The following PSMD2 variants were observed in gnomAD, a reference collection of about 807,000 sequenced individuals.
PSMD2 encodes the protein 26S proteasome non-ATPase regulatory subunit 2.
In PSMD2, 8 loss-of-function variants were observed where a neutral mutation model predicts 101.5. That is an observed-to-expected ratio of 0.08 (90% CI 0.05 to 0.14). PSMD2 has a LOEUF of 0.14. Among genes scored for constraint, PSMD2 ranks in the 10% least tolerant of loss-of-function variants. The pLI, the probability that PSMD2 is intolerant of heterozygous loss-of-function variation, is 1.00. For missense variants in PSMD2, 784 were observed against 1,147.4 expected, an observed-to-expected ratio of 0.68 and a Z score of 4.58; for synonymous variants, 418 against 433.8, an observed-to-expected ratio of 0.96 and a Z score of 0.45.
Position 184,308,536 on chromosome 3 carries a change from G to A in PSMD2, c.2513G>A (p.Arg838Gln), listed in dbSNP as rs758139905. ...RMLVTFDEEL[R>Q]PLPVSVRVGQ... ...CTGGTTACGTTTGATGAGGAGCTGC[G>A]GCCATTGCCAGTGTCTGTCCGTGTG... Residue 838 changes from arginine to glutamine, a missense_variant, in exon 20 of 21, where the codon CGG becomes CAG. Coordinates refer to ENST00000310118, the MANE Select transcript of PSMD2 (RefSeq NM_002808.5). The surrounding 1 kb of genome is among the most constrained non-coding windows in gnomAD (Gnocchi z 6.0). 1.1e-5 allele frequency: 17 copies of A among 1,613,670 alleles called. No homozygotes were observed. The highest frequency in any genetic ancestry group is 1.1e-5 in the Non-Finnish European group (13 of 1,180,020).
At chr3:184,300,553 A>G in intron 3 of PSMD2, 109 bp downstream of exon 3, 1 of 1,479,344 alleles carries the variant, frequency 6.8e-7, no homozygotes, top group Non-Finnish European at 9.0e-7. Context: ...CTAAGCCGTG[A>G]TCTATTTGAG....
At chr3:184,299,604 A>T in intron 1 of PSMD2, 1 of 764,758 alleles carries the variant, frequency 1.3e-6, no homozygotes, top group Non-Finnish European at 2.0e-6. Context: ...ACCAACCCTC[A>T]CCACCGCCGC....
rs539520811 is a variant in PSMD2 at position 184,306,575 on chromosome 3, T to C, written c.1950+80T>C. On this transcript the variant is annotated intron_variant, in intron 15 of 20. Transcript: ENST00000310118. ...AGGGGAGGCTGGGTTTGGTTTTTGC[T>C]TTAGGGCCTCTCTGGGTATTGCCAT... 8 of 1,561,378 alleles carry C rather than the reference T, an allele frequency of 5.1e-6. No homozygotes were observed. In the East Asian group the frequency reaches 1.8e-4, roughly 35 times the overall value.
At chr3:184,299,566 G>T (rs1721573036) in intron 1 of PSMD2, 165 bp downstream of exon 1, 1 of 1,022,364 alleles carries the variant, frequency 9.8e-7, no homozygotes. Flanking sequence ...CTCATTCTCC[G>T]TTCCGCGCTG....
rs1467874300 is a variant in PSMD2, at chr3:184,306,191, A to G, written c.1804+36A>G. On this transcript the variant is annotated intron_variant, in intron 14 of 20. Coordinates refer to ENST00000310118, the MANE Select transcript of PSMD2 (RefSeq NM_002808.5). ...TTATGAGTCTGTCTTGTGCTTCCCC[A>G]GTGACTCCTCACTTCTTTCTTGGTC... 4 of 1,608,306 alleles carry G rather than the reference A, an allele frequency of 2.5e-6. No individual in the cohort carries two copies. In the African/African-American group the frequency reaches 5.4e-5, roughly 22 times the overall value.
In PSMD2 at chr3:184,302,034, G is replaced by A. The variant is rs1721662074; in HGVS notation, c.667G>A (p.Glu223Lys). The change falls in exon 5 of 21, where the codon GAA becomes AAA. Residue 223 changes from glutamate (E) to lysine (K), a missense_variant. By Grantham distance (56) the Glu-to-Lys change is moderately conservative. Transcript: ENST00000310118. ...QVDMLEKDID[E>K]NAYAKVCLYL... is the part of the protein sequence containing the mutation. ...GGACATGCTGGAGAAGGACATTGAT[G>A]AAAATGCATATGCAAAGGTCTGCCT... 1.2e-6 allele frequency: 2 copies of A among 1,614,096 alleles called. No individual in the cohort carries two copies. Among genetic ancestry groups the A allele is most frequent in the African/African-American group, 1.3e-5 (1 of 74,944 alleles).
intron 12 of PSMD2, among the ~76,000 whole-genome samples, 150 bp from the exon 13 acceptor site, chr3:184,305,614 CAATG>C (rs1721806138): frequency 6.6e-6 from 1 of 151,944 alleles, no homozygotes; most frequent in Admixed American, 6.6e-5. Context: ...AGTATATACT[CAATG>C]AATAATGACT....
In PSMD2 at chr3:184,302,042, A is replaced by G. The variant is rs554055343; in HGVS notation, c.675A>G (p.Ala225=). 9 of 1,614,188 alleles carry G rather than the reference A, an allele frequency of 5.6e-6. No homozygotes were observed. The highest frequency in any genetic ancestry group is 4.5e-5 in the East Asian group (2 of 44,888). Residue 225 remains alanine (A), a synonymous_variant, in exon 5 of 21, where the codon GCA becomes GCG. Transcript: ENST00000310118. ...TGGAGAAGGACATTGATGAAAATGC[A>G]TATGCAAAGGTCTGCCTTTATCTCA... is the stretch of plus-strand genomic sequence containing the variant. The part of the protein sequence containing the change: ...DMLEKDIDEN[A]YAKVCLYLTS...
Position 184,299,291 on chromosome 3 carries a change from G to T in PSMD2, c.25G>T (p.Ala9Ser). 3 of 1,370,952 alleles carry T rather than the reference G, an allele frequency of 2.2e-6. No individual in the cohort carries two copies. Among genetic ancestry groups the T allele is most frequent in the Non-Finnish European group, 2.8e-6 (3 of 1,063,704 alleles). The allele number at this position is 1,370,952 out of a possible 1,614,324, so 84.9% of individuals were successfully genotyped here. A position where few individuals can be genotyped will look rare whatever the true frequency, so the allele number is the denominator to read the frequency against. The change falls in exon 1 of 21, where the codon GCG becomes TCG. Residue 9 changes from alanine to serine, a missense_variant. Coordinates refer to ENST00000310118, the MANE Select transcript of PSMD2 (RefSeq NM_002808.5). ...GATGGAGGAGGGAGGCCGGGACAAG[G>T]CGCCGGTGCAGCCCCAGCAGTCTCC... MEEGGRDK[A>S]PVQPQQSPAA...
chr3:184,302,221 G>A, intron 5 of PSMD2, 149 bp from the exon 6 acceptor site: 2 of 1,167,628 alleles, frequency 1.7e-6, no homozygotes, highest in South Asian at 1.5e-5. Flanking sequence ...CTTGAGGACA[G>A]AGACTTTGTG....
chr3:184,307,991 T>C lies in PSMD2; in HGVS notation c.2400T>C (p.Leu800=). 1 of 1,614,112 alleles carries C rather than the reference T, an allele frequency of 6.2e-7. No individual in the cohort carries two copies. Among genetic ancestry groups the C allele is most frequent in the Non-Finnish European group, 8.5e-7 (1 of 1,180,030 alleles). The part of the protein sequence containing the change: ...QVAVAGLLTV[L]VSFLDVRNII... ...CCGTGGCTGGACTGCTCACTGTGCT[T>C]GTCTCTTTCCTGGATGTTCGAAACA... is the stretch of plus-strand genomic sequence containing the variant. Residue 800 remains leucine, a synonymous_variant, in exon 19 of 21, where the codon CTT becomes CTC. Coordinates refer to ENST00000310118, the MANE Select transcript of PSMD2 (RefSeq NM_002808.5).
rs147350643 is a variant in PSMD2, at chr3:184,304,281, C to T, written c.1452-23C>T. The stretch of plus-strand genomic sequence containing the variant: ...TGCATCGTTGGGTATGTGTTGGGGA[C>T]CGCCTTTCCATGGCTTTTGCAGGCT... On this transcript the variant is annotated intron_variant, in intron 11 of 20. Coordinates refer to ENST00000310118, the MANE Select transcript of PSMD2 (RefSeq NM_002808.5). This position sits in a 1 kb window ranked among gnomAD's most constrained non-coding sequence, Gnocchi z 4.1. 5.6e-5 allele frequency: 91 copies of T among 1,611,522 alleles called. No individual in the cohort carries two copies. In the African/African-American group the frequency reaches 9.5e-4, roughly 17 times the overall value.
In PSMD2 at chr3:184,299,842, A is replaced by T. The variant is rs756150355; in HGVS notation, c.136-9A>T. The T allele has an allele frequency of 6.2e-6, 10 of 1,611,354 alleles. No homozygotes were observed. Among genetic ancestry groups the T allele is most frequent in the Non-Finnish European group, 8.5e-6 (10 of 1,177,796 alleles). ...TTCTCTTCATGAGCTGCTTCTCCCAACCCTCCAGTCTGAAGAGGATAAACA... is the reference window on the plus strand; with the variant it reads ...TTCTCTTCATGAGCTGCTTCTCCCATCCCTCCAGTCTGAAGAGGATAAACA... On this transcript the variant is annotated splice_polypyrimidine_tract_variant and intron_variant, in intron 1 of 20. Transcript: ENST00000310118.
chr3:184,305,506 G>C (rs898627595), intron 12 of PSMD2, among the ~76,000 whole-genome samples: 1 of 144,428 alleles, frequency 6.9e-6, no homozygotes, highest in African/African-American at 2.6e-5. Context: ...AAAAAAAAAA[G>C]CAGTGCAGGG....
intron 10 of PSMD2, 74 bp downstream of exon 10, chr3:184,303,823 AC>A: frequency 6.2e-7 from 1 of 1,601,442 alleles, no homozygotes; most frequent in Non-Finnish European, 8.6e-7. Flanking sequence ...CCTCTCTTTC[AC>A]TGATGAGGTC....
chr3:184,302,920 G>A (rs1721696559), intron 7 of PSMD2, 82 bp from the exon 8 acceptor site: 4 of 1,609,534 alleles, frequency 2.5e-6, no homozygotes, highest in Middle Eastern at 1.6e-4. Context: ...TCCTTGATTA[G>A]AATTGCCATT....
rs1721823335 is a variant in PSMD2, at chr3:184,306,142, G to A, written c.1791G>A (p.Val597=). The A allele has an allele frequency of 6.2e-7, 1 of 1,614,234 alleles. No homozygotes were observed. Among genetic ancestry groups the A allele is most frequent in the Non-Finnish European group, 8.5e-7 (1 of 1,180,042 alleles). ...GTTTTGCCAACACACTGGTGGATGT[G>A]TGTGCATATGCAGGTCTGTGTCTTT... ...FRSFANTLVD[V]CAYAGSGNVL... is the part of the protein sequence containing the mutation. The change falls in exon 14 of 21, where the codon GTG becomes GTA. Residue 597 remains valine (V), a synonymous_variant. Coordinates refer to ENST00000310118, the MANE Select transcript of PSMD2 (RefSeq NM_002808.5).
chr3:184,299,981 C>A, intron 2 of PSMD2, 74 bp downstream of exon 2: 1 of 1,320,312 alleles, frequency 7.6e-7, no homozygotes, highest in Non-Finnish European at 1.1e-6. Flanking sequence ...TTTGAGGCAA[C>A]TGCTATGTAC....
At position 184,300,369 on chromosome 3, in the gene PSMD2, G is replaced by A. The variant is rs771849004; in HGVS notation, c.282G>A (p.Lys94=). The change falls in exon 3 of 21, where the codon AAG becomes AAA. Residue 94 remains lysine (K), a synonymous_variant. Coordinates refer to ENST00000310118, the MANE Select transcript of PSMD2 (RefSeq NM_002808.5). ...SSTTSMTSVP[K]PLKFLRPHYG... ...CAACTTCCATGACTTCAGTGCCCAA[G>A]CCTCTCAAATTTCTGCGTCCACACT... The A allele has an allele frequency of 6.2e-7, 1 of 1,614,048 alleles. No homozygotes were observed. Among genetic ancestry groups the A allele is most frequent in the South Asian group, 1.1e-5 (1 of 91,080 alleles).
Sources: allele counts gnomAD v4.1 joint callset (sites outside exome capture counted in the v4.1 genomes callset), GRCh38; gene constraint gnomAD v4.1.1; non-coding constraint Gnocchi (gnomAD v3.1); transcripts MANE v1.5; gene names NCBI Gene and HGNC (gene_info 2026-07-23, HGNC 2026-07-21).